The following IGBP1 variants were observed in gnomAD, a reference collection of about 807,000 sequenced individuals.
IGBP1 encodes the protein immunoglobulin-binding protein 1.
IGBP1 carries 2 observed loss-of-function variants against 25.9 expected under a neutral mutation model. That is an observed-to-expected ratio of 0.08 (90% CI 0.03 to 0.24). The LOEUF (loss-of-function observed/expected upper bound fraction) is 0.24, where lower values mean the gene tolerates loss of function less well. Among genes scored for constraint, IGBP1 ranks in the 10% least tolerant of loss-of-function variants. The probability of loss-of-function intolerance (pLI) is 1.00; values close to 1 mark genes in which losing one functional copy is unlikely to be tolerated. For missense variants in IGBP1, 187 were observed against 260.4 expected, an observed-to-expected ratio of 0.72 and a Z score of 1.94; for synonymous variants, 96 against 93.4, an observed-to-expected ratio of 1.03 and a Z score of -0.16.
chrX:70,153,343 A>T (rs968757178), intron 6 of IGBP1, among the ~76,000 whole-genome samples: 10 of 112,377 alleles, frequency 8.9e-5, no homozygotes, highest in Admixed American at 8.5e-4. Context: ...ATGGTATCAG[A>T]TAGAAATGTA....
chrX:70,165,810 C>G (rs1569425674), intron 6 of IGBP1, 23 bp from the exon 7 acceptor site: 2 of 1,192,075 alleles, frequency 1.7e-6, no homozygotes, highest in Non-Finnish European at 2.3e-6. Context: ...TTCTCACCTC[C>G]CTTTCTAATT....
chrX:70,165,960 G>A lies in IGBP1; in HGVS notation c.999G>A (p.Gly333=), dbSNP rs767648431. Residue 333 remains glycine, a synonymous_variant, in exon 7 of 7, where the codon GGG becomes GGA. Coordinates refer to ENST00000356413, the MANE Select transcript of IGBP1 (RefSeq NM_001551.3). The part of the protein sequence containing the change: ...DWKDTHPRGY[G]NRQNMG ...AGGACACCCATCCTAGGGGCTATGG[G>A]AACCGACAGAACATGGGCTGATCTT... 3 of 1,209,020 alleles carry A rather than the reference G, an allele frequency of 2.5e-6. No individual in the cohort carries two copies. The African/African-American group carries it at 5.3e-5, about 21-fold the overall frequency.
intron 6 of IGBP1, among the ~76,000 whole-genome samples, chrX:70,161,171 T>C (rs949223892): frequency 1.8e-5 from 2 of 112,235 alleles, no homozygotes; most frequent in Non-Finnish European, 3.8e-5. Flanking sequence ...TTCTTTCTTT[T>C]AAGAAATCAG....
chrX:70,162,979 A>AAAT (rs768142220), intron 6 of IGBP1, among the ~76,000 whole-genome samples: 1 of 110,830 alleles, frequency 9.0e-6, no homozygotes, highest in East Asian at 2.8e-4. Flanking sequence ...TTTGTCTCAA[A>AAAT]AATAATAATA....
intron 3 of IGBP1, among the ~76,000 whole-genome samples, chrX:70,139,879 A>G (rs771480760): frequency 7.2e-5 from 8 of 111,762 alleles, no homozygotes; most frequent in Non-Finnish European, 1.1e-4. Flanking sequence ...CTCACCATGT[A>G]TCATTCTCCC....
intron 3 of IGBP1, among the ~76,000 whole-genome samples, chrX:70,135,676 G>A (rs2085090841): frequency 9.0e-6 from 1 of 111,676 alleles, no homozygotes; most frequent in Non-Finnish European, 1.9e-5. Context: ...AGGCATTAAA[G>A]AAACAGTGGT....
chrX:70,140,000 C>T (rs1291677009), intron 3 of IGBP1, among the ~76,000 whole-genome samples: 3 of 112,461 alleles, frequency 2.7e-5, no homozygotes, highest in African/African-American at 6.5e-5. Context: ...ATGGAATGCT[C>T]GTCATATGGC....
chrX:70,144,521 C>G (rs948735304), intron 3 of IGBP1, among the ~76,000 whole-genome samples: 1 of 110,112 alleles, frequency 9.1e-6, no homozygotes, highest in Non-Finnish European at 1.9e-5. Flanking sequence ...GTGTTTTACT[C>G]AAAAAGCTTC....
chrX:70,160,233 C>T lies in IGBP1; in HGVS notation c.872-5600C>T, dbSNP rs1297083689. ...TCCTGGTCCTGGAGGGCTCGAGCGC[C>T]ACGGTCACTTGATAGGAAAAATCAC... On this transcript the variant is annotated intron_variant, in intron 6 of 6. Coordinates refer to ENST00000356413, the MANE Select transcript of IGBP1 (RefSeq NM_001551.3). Among the ~76,000 whole-genome samples the T allele has an allele frequency of 4.5e-5, 5 of 111,259 alleles. No homozygotes were observed. In the East Asian group the frequency reaches 8.5e-4, roughly 19 times the overall value.
intron 6 of IGBP1, among the ~76,000 whole-genome samples, chrX:70,156,799 G>A (rs1020342955): frequency 4.5e-5 from 5 of 111,054 alleles, no homozygotes; most frequent in Non-Finnish European, 7.5e-5. Context: ...AATTAGCCGG[G>A]CGTGGTGGCG....
At chrX:70,160,467 C>T (rs1173979790) in intron 6 of IGBP1, among the ~76,000 whole-genome samples, 1 of 111,845 alleles carries the variant, frequency 8.9e-6, no homozygotes, top group Non-Finnish European at 1.9e-5. Flanking sequence ...ATTTAAGAAA[C>T]TCAGAGGGAA....
chrX:70,145,472 C>T (rs1460604207), intron 3 of IGBP1, among the ~76,000 whole-genome samples: 2 of 111,305 alleles, frequency 1.8e-5, no homozygotes, highest in African/African-American at 6.5e-5. Flanking sequence ...ATACTCCACA[C>T]AACAGCCAGA....
At chrX:70,139,318 A>G (rs1602661826) in intron 3 of IGBP1, among the ~76,000 whole-genome samples, 1 of 111,160 alleles carries the variant, frequency 9.0e-6, no homozygotes, top group Admixed American at 9.5e-5. Context: ...TCTCAAAAAA[A>G]AAAAAAAAAA....
At chrX:70,150,613 C>T (rs1445268202) in intron 6 of IGBP1, among the ~76,000 whole-genome samples, 2 of 111,833 alleles carry the variant, frequency 1.8e-5, no homozygotes, top group East Asian at 5.6e-4. Context: ...CTGGTAATGG[C>T]AGAGTAGGTT....
chrX:70,133,826 C>A lies in IGBP1; in HGVS notation c.-122C>A. 1 of 598,681 alleles carries A rather than the reference C, an allele frequency of 1.7e-6. No individual in the cohort carries two copies. The highest frequency in any genetic ancestry group is 2.7e-6 in the Non-Finnish European group (1 of 370,620). 49.3% of individuals were successfully genotyped at this position (598,681 alleles called of 1,213,427 possible). On this transcript the variant is annotated 5_prime_UTR_variant, in exon 2 of 7. Coordinates refer to ENST00000356413, the MANE Select transcript of IGBP1 (RefSeq NM_001551.3). ...CGGAAGTCCTTTGATGCTTTGTTAA[C>A]AGTGAAGCTACTGGACCAATGAGGT...
intron 6 of IGBP1, among the ~76,000 whole-genome samples, chrX:70,155,157 C>T (rs966630701): frequency 8.9e-6 from 1 of 111,828 alleles, no homozygotes; most frequent in Non-Finnish European, 1.9e-5. Context: ...TGCATGCTGT[C>T]TATAAAAGAT....
chrX:70,150,687 A>G (rs1035479283), intron 6 of IGBP1, among the ~76,000 whole-genome samples: 1 of 112,057 alleles, frequency 8.9e-6, no homozygotes, highest in African/African-American at 3.2e-5. Context: ...TTAAAAACCA[A>G]CTACCTGAAG....
chrX:70,151,834 C>T (rs762892768), intron 6 of IGBP1, among the ~76,000 whole-genome samples: 4 of 111,115 alleles, frequency 3.6e-5, no homozygotes, highest in South Asian at 3.8e-4. Context: ...GCCAAGATCA[C>T]GCCACTGCAC....
At chrX:70,156,806 G>A (rs1380158050) in intron 6 of IGBP1, among the ~76,000 whole-genome samples, 3 of 111,111 alleles carry the variant, frequency 2.7e-5, no homozygotes, top group Admixed American at 9.6e-5. Context: ...CGGGCGTGGT[G>A]GCGGGCGCCT....
Sources: gnomAD v4.1 joint callset for allele counts (sites outside exome capture counted in the v4.1 genomes callset) on GRCh38, gnomAD v4.1.1 for gene constraint, MANE v1.5 for transcripts, NCBI Gene and HGNC (gene_info 2026-07-23, HGNC 2026-07-21) for gene names.